HERC1: variants seen among roughly 807,000 people sequenced by gnomAD.
The protein encoded by HERC1 is probable E3 ubiquitin-protein ligase HERC1.
Under a neutral mutation model 554.3 loss-of-function variants are expected in HERC1, and 160 were observed. The observed-to-expected ratio is 0.29, with a 90% CI of 0.25 to 0.33. The LOEUF (loss-of-function observed/expected upper bound fraction) is 0.33. Among genes scored for constraint, HERC1 ranks in the 10% least tolerant of loss-of-function variants. The probability of loss-of-function intolerance (pLI) is 1.00; values close to 1 mark genes in which losing one functional copy is unlikely to be tolerated. For missense variants in HERC1, 4,919 were observed against 5,918.5 expected (o/e 0.83, Z 5.54); for synonymous variants, 2,175 against 2,131.7 (o/e 1.02, Z -0.56).
chr15:63,807,494 T>C (rs1475424279), intron 1 of HERC1, among the ~76,000 whole-genome samples: 1 of 152,152 alleles, frequency 6.6e-6, no homozygotes, highest in Non-Finnish European at 1.5e-5. Context: ...GACTTAAAAG[T>C]GTACTAATGG....
chr15:63,777,320 G>C (rs2076144763), intron 1 of HERC1, among the ~76,000 whole-genome samples: 1 of 152,096 alleles, frequency 6.6e-6, no homozygotes, highest in South Asian at 2.1e-4. Context: ...CTTAAGAGGG[G>C]GGAAAATCAT....
At chr15:63,794,067 C>T (rs1596271957) in intron 1 of HERC1, among the ~76,000 whole-genome samples, 2 of 152,150 alleles carry the variant, frequency 1.3e-5, no homozygotes, top group Non-Finnish European at 1.5e-5. Flanking sequence ...TGACAGTTTA[C>T]AAATCCCATG....
At chr15:63,780,981 A>G (rs950474808) in intron 1 of HERC1, among the ~76,000 whole-genome samples, 1 of 152,190 alleles carries the variant, frequency 6.6e-6, no homozygotes, top group Non-Finnish European at 1.5e-5. Context: ...TAAGTGATGG[A>G]TCTAAAACAA....
chr15:63,669,171 G>A (rs1029449206), intron 40 of HERC1, among the ~76,000 whole-genome samples: 12 of 152,080 alleles, frequency 7.9e-5, no homozygotes, highest in Admixed American at 5.9e-4. Flanking sequence ...TAGTCCAGAG[G>A]GCAAAGAAGA....
At chr15:63,719,760 G>A (rs2073730087) in intron 19 of HERC1, among the ~76,000 whole-genome samples, 1 of 152,240 alleles carries the variant, frequency 6.6e-6, no homozygotes, top group Non-Finnish European at 1.5e-5. Context: ...TCTGTGATGT[G>A]AGAATATGAG....
chr15:63,622,328 T>TC (rs1271346391), intron 74 of HERC1, among the ~76,000 whole-genome samples: 1 of 139,330 alleles, frequency 7.2e-6, no homozygotes, highest in Non-Finnish European at 1.6e-5. Flanking sequence ...CCTGTTTCCT[T>TC]TTTTTTTTTT....
intron 4 of HERC1, among the ~76,000 whole-genome samples, chr15:63,757,295 C>T (rs1370271784): frequency 4.2e-5 from 5 of 120,026 alleles, no homozygotes; most frequent in African/African-American, 1.3e-4. Context: ...GACAGAGTCT[C>T]GCTCTGTCAC....
Position 63,612,355 on chromosome 15 carries a change from T to G in HERC1, c.14296A>C (p.Asn4766His). The change falls in exon 77 of 78, where the codon AAT becomes CAT. Residue 4766 changes from asparagine to histidine, a missense_variant. This residue lies in a region of HERC1 where 284 missense variants were observed against 294.1 expected (regional missense o/e 0.97). Transcript: ENST00000443617. The surrounding 1 kb of genome is among the most constrained non-coding windows in gnomAD (Gnocchi z 5.0). ...CTCATGAAAAGCACCCGCTCCTCAT[T>G]GGAGAACTCTTCCAGCGTGTGCCAG... ...WFWHTLEEFS[N>H]EERVLFMRFV... 1 of 1,614,032 alleles carries G rather than the reference T, an allele frequency of 6.2e-7. No homozygotes were observed. The highest frequency in any genetic ancestry group is 8.5e-7 in the Non-Finnish European group (1 of 1,179,888).
chr15:63,739,667 T>C (rs928140747), intron 12 of HERC1, among the ~76,000 whole-genome samples: 2 of 151,864 alleles, frequency 1.3e-5, no homozygotes, highest in East Asian at 2.0e-4. Flanking sequence ...GGTGAAACCC[T>C]GTCTCTACTA....
chr15:63,686,178 C>T (rs2071749871), intron 34 of HERC1, among the ~76,000 whole-genome samples, 181 bp downstream of exon 34: 1 of 152,096 alleles, frequency 6.6e-6, no homozygotes, highest in Admixed American at 6.5e-5. Flanking sequence ...ATAAGGGTTA[C>T]AAAAATAGCA....
chr15:63,807,458 C>G (rs1415891013), intron 1 of HERC1, among the ~76,000 whole-genome samples: 1 of 152,200 alleles, frequency 6.6e-6, no homozygotes, highest in Non-Finnish European at 1.5e-5. Context: ...TCATCAGTTT[C>G]CAGTGTTCCT....
intron 12 of HERC1, among the ~76,000 whole-genome samples, chr15:63,741,614 T>C (rs1335906583): frequency 2.6e-5 from 4 of 152,254 alleles, no homozygotes; most frequent in Admixed American, 1.3e-4. Flanking sequence ...TTTTCTTTTA[T>C]GAGTTTTACA....
At position 63,713,620 on chromosome 15, in the gene HERC1, C is replaced by G. The variant is rs780976346; in HGVS notation, c.4196G>C (p.Arg1399Pro). The stretch of plus-strand genomic sequence containing the variant: ...CCCACTGTTCATTCTATCTCGGTCT[C>G]GGCTACGAGCTACTTCACGGGCTGA... Reference protein sequence around the residue: ...FLSAREVARSRDRDRMNSGAG... With the variant: ...FLSAREVARSPDRDRMNSGAG... The change falls in exon 23 of 78, where the codon CGA becomes CCA. Residue 1399 changes from arginine to proline, a missense_variant. Coordinates refer to ENST00000443617, the MANE Select transcript of HERC1 (RefSeq NM_003922.4). 1 of 1,612,906 alleles carries G rather than the reference C, an allele frequency of 6.2e-7. No homozygotes were observed. The highest frequency in any genetic ancestry group is 8.5e-7 in the Non-Finnish European group (1 of 1,179,472).
At chr15:63,658,815 A>G in intron 47 of HERC1, 97 bp from the exon 48 acceptor site, 1 of 940,516 alleles carries the variant, frequency 1.1e-6, no homozygotes, top group African/African-American at 1.6e-5. Flanking sequence ...TTCCATAACA[A>G]ACCAATGTCT....
intron 68 of HERC1, among the ~76,000 whole-genome samples, chr15:63,631,253 C>T (rs182130764): frequency 1.4e-4 from 21 of 152,340 alleles, no homozygotes; most frequent in Admixed American, 1.2e-3. Context: ...GGGTGCCAGC[C>T]AGCCCCTGAT....
At chr15:63,783,133 G>C (rs1342885844) in intron 1 of HERC1, among the ~76,000 whole-genome samples, 1 of 152,206 alleles carries the variant, frequency 6.6e-6, no homozygotes, top group Admixed American at 6.5e-5. Context: ...AGTTAGAGAG[G>C]ACTGACTCCT....
intron 47 of HERC1, 37 bp from the exon 48 acceptor site, chr15:63,658,755 A>G (rs753666872): frequency 3.9e-6 from 6 of 1,546,970 alleles, no homozygotes; most frequent in Non-Finnish European, 5.3e-6. Flanking sequence ...TCAACAAGGT[A>G]AGAAAAAAAT....
chr15:63,758,504 A>C lies in HERC1; in HGVS notation c.1027-135T>G. ...TGCTCAAAGAACCTATTAAATAAAG[A>C]TAACTAGACTATTTACTCATATGGA... On this transcript the variant is annotated intron_variant, in intron 3 of 77. Coordinates refer to ENST00000443617, the MANE Select transcript of HERC1 (RefSeq NM_003922.4). The surrounding 1 kb of genome is among the most constrained non-coding windows in gnomAD (Gnocchi z 4.0). 1 of 596,990 alleles carries C rather than the reference A, an allele frequency of 1.7e-6. No homozygotes were observed. Among genetic ancestry groups the C allele is most frequent in the Non-Finnish European group, 2.8e-6 (1 of 354,432 alleles). The allele number at this position is 596,990 out of a possible 1,614,324, so 37.0% of individuals were successfully genotyped here. A position where few individuals can be genotyped will look rare whatever the true frequency, so the allele number is the denominator to read the frequency against.
chr15:63,680,222 TCTAAC>T lies in HERC1; in HGVS notation c.6466-67_6466-63del. The T allele has an allele frequency of 6.5e-6, 8 of 1,222,536 alleles. No individual in the cohort carries two copies. The highest frequency in any genetic ancestry group is 9.5e-6 in the Non-Finnish European group (8 of 841,482). 75.7% of individuals were successfully genotyped at this position (1,222,536 alleles called of 1,614,324 possible). A position where few individuals can be genotyped will look rare whatever the true frequency, so the allele number is the denominator to read the frequency against. On this transcript the variant is annotated intron_variant, in intron 35 of 77. Coordinates refer to ENST00000443617, the MANE Select transcript of HERC1 (RefSeq NM_003922.4). The surrounding 1 kb of genome is among the most constrained non-coding windows in gnomAD (Gnocchi z 5.8). ...ATAGAAATTTTTTTAATTCACAATATCTAACCACATTAGAATTGAAAGCTTTTATG... is the reference window on the plus strand; with the variant it reads ...ATAGAAATTTTTTTAATTCACAATATCACATTAGAATTGAAAGCTTTTATG...
Sources: allele counts gnomAD v4.1 joint callset (sites outside exome capture counted in the v4.1 genomes callset), GRCh38; gene constraint gnomAD v4.1.1; regional missense constraint gnomAD v4.1.1; non-coding constraint Gnocchi (gnomAD v3.1); transcripts MANE v1.5; gene names NCBI Gene and HGNC (gene_info 2026-07-23, HGNC 2026-07-21).